The following SLC4A9 variants were observed in gnomAD, a reference collection of about 807,000 sequenced individuals.
The protein encoded by SLC4A9 is solute carrier family 4 member 9.
In SLC4A9, 102 loss-of-function variants were observed where a neutral mutation model predicts 103.2. That is an observed-to-expected ratio of 0.99 (90% confidence interval 0.84 to 1.17). SLC4A9 has a LOEUF of 1.17. SLC4A9 is among the 50% of genes most tolerant of loss of function. The pLI, the probability that SLC4A9 is intolerant of heterozygous loss-of-function variation, is 0.00. For missense variants in SLC4A9, 1,091 were observed against 1,193.7 expected, an observed-to-expected ratio of 0.91 and a Z score of 1.27; for synonymous variants, 453 against 483.6, an observed-to-expected ratio of 0.94 and a Z score of 0.83.
chr5:140,364,410 G>A lies in SLC4A9; in HGVS notation c.1436G>A (p.Trp479Ter). The change falls in exon 11 of 22, where the codon TGG (tryptophan) becomes TAG (stop). Residue 479 changes from tryptophan to a stop codon, truncating the protein, a stop_gained. Transcript: ENST00000506757. LOFTEE classifies it high-confidence loss of function. The part of the protein sequence containing the change: ...YLPFRLWVGI[W>*]VATFCLVLVA... ...CCCTTCCGCCTATGGGTGGGCATCT[G>A]GGTGGCTACCTTTTGCCTGGTGCTG... The A allele has an allele frequency of 2.5e-6, 4 of 1,613,624 alleles. No individual in the cohort carries two copies. The highest frequency in any genetic ancestry group is 3.4e-6 in the Non-Finnish European group (4 of 1,179,842).
Position 140,363,929 on chromosome 5 carries a change from A to G in SLC4A9, c.1254+27A>G. The G allele has an allele frequency of 6.2e-7, 1 of 1,609,882 alleles. No homozygotes were observed. The highest frequency in any genetic ancestry group is 1.1e-5 in the South Asian group (1 of 90,848). On this transcript the variant is annotated intron_variant, in intron 9 of 21. Transcript: ENST00000506757. This position sits in a 1 kb window ranked among gnomAD's most constrained non-coding sequence, Gnocchi z 4.5. Reference sequence around the variant, plus strand: ...TGGGTAGGGCCCAGGGGGCAGGCACAAGCGTTGGTGTCCCCTAGTCCATCC... The same window carrying G: ...TGGGTAGGGCCCAGGGGGCAGGCACGAGCGTTGGTGTCCCCTAGTCCATCC...
chr5:140,365,531 C>T lies in SLC4A9; in HGVS notation c.1663C>T (p.Gln555Ter), dbSNP rs1430049474. 12 of 1,610,926 alleles carry T rather than the reference C, an allele frequency of 7.4e-6. No homozygotes were observed. The highest frequency in any genetic ancestry group is 1.0e-5 in the Non-Finnish European group (12 of 1,178,558). ...QYPGPGGNES[Q>*]WIRTRPKDRD... is the part of the protein sequence containing the mutation. ...TCTCTGCTTCCCAGGAAATGAGTCT[C>T]AATGGATAAGGACAAGGCCAAAAGA... Residue 555 changes from glutamine to a stop codon, truncating the protein, a stop_gained, in exon 12 of 22, where the codon CAA (glutamine) becomes TAA (stop). Transcript: ENST00000506757. LOFTEE classifies it high-confidence loss of function.
At position 140,361,102 on chromosome 5, in the gene SLC4A9, G is replaced by A. The variant is rs942551793; in HGVS notation, c.391+130G>A. On this transcript the variant is annotated intron_variant, in intron 2 of 21. Transcript: ENST00000506757. Reference sequence around the variant, plus strand: ...TAGGATTGTCTACCCTTGTCACAGGGTGGACATGGAAAAGCAGGGTGGAGG... The same window carrying A: ...TAGGATTGTCTACCCTTGTCACAGGATGGACATGGAAAAGCAGGGTGGAGG... The A allele has an allele frequency of 2.4e-5, 29 of 1,210,266 alleles. No individual in the cohort carries two copies. The East Asian group carries it at 7.2e-4, about 30-fold the overall frequency. The allele number at this position is 1,210,266 out of a possible 1,614,324, so 75.0% of individuals were successfully genotyped here.
intron 1 of SLC4A9, 37 bp downstream of exon 1, chr5:140,360,503 C>T: frequency 3.3e-6 from 5 of 1,527,264 alleles, no homozygotes; most frequent in Non-Finnish European, 4.4e-6. Flanking sequence ...GGGATCCTTC[C>T]CCTTCCCCAG....
intron 12 of SLC4A9, 89 bp downstream of exon 12, chr5:140,365,667 A>G: frequency 6.7e-7 from 1 of 1,487,590 alleles, no homozygotes; most frequent in East Asian, 2.3e-5. Context: ...CCATAGGTTA[A>G]GGAAACCTTC....
chr5:140,371,361 C>A, intron 18 of SLC4A9, 90 bp from the exon 19 acceptor site: 1 of 1,526,336 alleles, frequency 6.6e-7, no homozygotes. Context: ...TCTCTGCCTG[C>A]TCCCAGTGCT....
chr5:140,374,471 A>T (rs950664054), intron 21 of SLC4A9, among the ~76,000 whole-genome samples: 4 of 142,848 alleles, frequency 2.8e-5, no homozygotes, highest in African/African-American at 5.3e-5. Context: ...AATTGCCTGA[A>T]CCCGGGAGGC....
intron 19 of SLC4A9, among the ~76,000 whole-genome samples, chr5:140,371,966 T>C (rs946356290): frequency 6.6e-6 from 1 of 152,214 alleles, no homozygotes; most frequent in Non-Finnish European, 1.5e-5. Flanking sequence ...CTTGTTCTTA[T>C]TGAGGAAGTT....
At chr5:140,373,763 T>C (rs144148919) in intron 21 of SLC4A9, among the ~76,000 whole-genome samples, 4,102 of 152,256 alleles carry the variant, frequency 0.027, 199 homozygotes, top group African/African-American at 0.095. Context: ...CACTCCAGCC[T>C]GGGCAACATA....
In SLC4A9 at chr5:140,360,807, C is replaced by G; in HGVS notation, c.231-5C>G. On this transcript the variant is annotated splice_region_variant and splice_polypyrimidine_tract_variant and intron_variant, in intron 1 of 21. Coordinates refer to ENST00000506757, the MANE Select transcript of SLC4A9 (RefSeq NM_031467.3). ...AATAACACTGTCTACCCACCTTCAT[C>G]ACAGGTGGGTACTGTTTGAGGAGAA... 2 of 1,613,498 alleles carry G rather than the reference C, an allele frequency of 1.2e-6. No homozygotes were observed. The highest frequency in any genetic ancestry group is 2.7e-5 in the African/African-American group (2 of 75,032).
Position 140,367,439 on chromosome 5 carries a change from G to A in SLC4A9, c.2033G>A (p.Gly678Asp). ...REFKPTLPGR[G>D]WLVSPFGANP... ...CTCCAGCCCACACTCCCTGGGCGTG[G>A]CTGGCTGGTGTCACCTTTTGGAGCC... The change falls in exon 15 of 22, where the codon GGC becomes GAC. Residue 678 changes from glycine to aspartate, a missense_variant. Transcript: ENST00000506757. 6.2e-7 allele frequency: 1 copy of A among 1,611,480 alleles called. No homozygotes were observed. The highest frequency in any genetic ancestry group is 8.5e-7 in the Non-Finnish European group (1 of 1,179,038).
chr5:140,366,935 C>T (rs1313700068), intron 14 of SLC4A9, among the ~76,000 whole-genome samples: 1 of 152,218 alleles, frequency 6.6e-6, no homozygotes, highest in African/African-American at 2.4e-5. Flanking sequence ...TCCAAATTCC[C>T]CCAAGACAGG....
At position 140,364,396 on chromosome 5, in the gene SLC4A9, AT is replaced by A; in HGVS notation, c.1423del (p.Trp475GlyfsTer50). 6.2e-7 allele frequency: 1 copy of A among 1,613,334 alleles called. No homozygotes were observed. Among genetic ancestry groups the A allele is most frequent in the Non-Finnish European group, 8.5e-7 (1 of 1,179,822 alleles). On this transcript the variant is annotated frameshift_variant, in exon 11 of 22. Coordinates refer to ENST00000506757, the MANE Select transcript of SLC4A9 (RefSeq NM_031467.3). LOFTEE classifies it high-confidence loss of function. ...GCCTGGACTACCTGCCCTTCCGCCT[AT>A]GGGTGGGCATCTGGGTGGCTACCTT... Reference protein sequence around the residue: ...YSLDYLPFRLWVGIWVATFCL... With the variant: ...YSLDYLPFRLXVGIWVATFCL...
Position 140,367,437 on chromosome 5 carries a change from T to C in SLC4A9, c.2031T>C (p.Arg677=). 2 of 1,611,848 alleles carry C rather than the reference T, an allele frequency of 1.2e-6. No homozygotes were observed. Among genetic ancestry groups the C allele is most frequent in the Non-Finnish European group, 1.7e-6 (2 of 1,179,178 alleles). ...PREFKPTLPG[R]GWLVSPFGAN... ...TCCTCCAGCCCACACTCCCTGGGCG[T>C]GGCTGGCTGGTGTCACCTTTTGGAG... Residue 677 remains arginine (R), a synonymous_variant, in exon 15 of 22, where the codon CGT becomes CGC. Transcript: ENST00000506757.
At chr5:140,370,010 A>G (rs1768467204) in intron 17 of SLC4A9, among the ~76,000 whole-genome samples, 1 of 151,776 alleles carries the variant, frequency 6.6e-6, no homozygotes, top group African/African-American at 2.4e-5. Context: ...TCAAAAAACA[A>G]AACAAAACAA....
intron 14 of SLC4A9, 45 bp from the exon 15 acceptor site, chr5:140,367,375 C>T (rs1768030616): frequency 6.3e-7 from 1 of 1,591,746 alleles, no homozygotes; most frequent in Non-Finnish European, 8.5e-7. Context: ...GTGAGATGCT[C>T]TTGGGAGACC....
chr5:140,372,315 A>T lies in SLC4A9; in HGVS notation c.2744A>T (p.Glu915Val), dbSNP rs1252193669. Reference protein sequence around the residue: ...FSPQELLWLDELMPEEERSIP... With the variant: ...FSPQELLWLDVLMPEEERSIP... ...CCACAGGAACTCCTCTGGCTGGATGAGCTGATGCCAGAGGAGGAGAGAAGC... is the reference window on the plus strand; with the variant it reads ...CCACAGGAACTCCTCTGGCTGGATGTGCTGATGCCAGAGGAGGAGAGAAGC... Residue 915 changes from glutamate (E) to valine (V), a missense_variant, in exon 20 of 22, where the codon GAG (glutamate) becomes GTG (valine). Physicochemically the swap from Glu to Val is moderately radical, Grantham distance 121 (BLOSUM62 -2). Transcript: ENST00000506757. 2 of 1,609,182 alleles carry T rather than the reference A, an allele frequency of 1.2e-6. No individual in the cohort carries two copies. The highest frequency in any genetic ancestry group is 2.2e-5 in the South Asian group (2 of 90,384).
chr5:140,367,374 T>A (rs758585563), intron 14 of SLC4A9, 46 bp from the exon 15 acceptor site: 1 of 1,591,100 alleles, frequency 6.3e-7, no homozygotes, highest in South Asian at 1.1e-5. Context: ...GGTGAGATGC[T>A]CTTGGGAGAC....
chr5:140,370,284 C>T (rs1178021657), intron 17 of SLC4A9, among the ~76,000 whole-genome samples: 1 of 151,510 alleles, frequency 6.6e-6, no homozygotes, highest in African/African-American at 2.4e-5. Flanking sequence ...GCCAACATGG[C>T]GAAACCCCAT....
Sources: gnomAD v4.1 joint callset for allele counts (sites outside exome capture counted in the v4.1 genomes callset) on GRCh38, gnomAD v4.1.1 for gene constraint, Gnocchi (gnomAD v3.1) non-coding constraint, MANE v1.5 for transcripts, NCBI Gene and HGNC (gene_info 2026-07-23, HGNC 2026-07-21) for gene names.